Variants in BCOR observed in about 807,000 individuals in gnomAD.
BCOR encodes BCL6 corepressor.
In BCOR, 10 loss-of-function variants were observed where a neutral mutation model predicts 86.7. That is an observed-to-expected ratio of 0.12 (90% confidence interval 0.07 to 0.20). BCOR has a LOEUF of 0.20. Among genes scored for constraint, BCOR ranks in the 10% least tolerant of loss-of-function variants. The pLI, the probability that BCOR is intolerant of heterozygous loss-of-function variation, is 1.00. For missense variants in BCOR, 1,259 were observed against 1,452.1 expected, an observed-to-expected ratio of 0.87 and a Z score of 2.16; for synonymous variants, 611 against 609.0, an observed-to-expected ratio of 1.00 and a Z score of -0.05.
chrX:40,151,399 C>T (rs978762709), intron 1 of BCOR, among the ~76,000 whole-genome samples: 6 of 112,975 alleles, frequency 5.3e-5, no homozygotes, highest in African/African-American at 1.9e-4. Context: ...CCCCTCCCTC[C>T]GGGACTGTCA....
chrX:40,081,286 TGAA>T (rs1936096364), intron 1 of BCOR, among the ~76,000 whole-genome samples: 1 of 111,564 alleles, frequency 9.0e-6, no homozygotes, highest in Non-Finnish European at 1.9e-5. Flanking sequence ...AAGCCTCTAC[TGAA>T]GAACAGGGGT....
intron 1 of BCOR, among the ~76,000 whole-genome samples, chrX:40,173,211 A>C (rs752942021): frequency 2.7e-5 from 3 of 111,540 alleles, no homozygotes; most frequent in Non-Finnish European, 5.7e-5. Context: ...TCCAGGCCCT[A>C]TCTCTCCCTC....
At chrX:40,161,963 T>G (rs1318908816) in intron 1 of BCOR, among the ~76,000 whole-genome samples, 1 of 111,868 alleles carries the variant, frequency 8.9e-6, no homozygotes. Flanking sequence ...GACACATAAG[T>G]AGGGTGACAC....
intron 7 of BCOR, 97 bp downstream of exon 7, chrX:40,064,239 G>A: frequency 1.8e-6 from 2 of 1,141,952 alleles, no homozygotes; most frequent in Non-Finnish European, 2.4e-6. Flanking sequence ...TCTGTCTACG[G>A]GGGCAGCGCG....
intron 1 of BCOR, among the ~76,000 whole-genome samples, chrX:40,088,479 G>C (rs966175134): frequency 3.1e-4 from 35 of 111,262 alleles, no homozygotes; most frequent in Non-Finnish European, 7.5e-5. Context: ...GAGGAGGAGG[G>C]GGAGAGGAGG....
At chrX:40,078,711 C>T (rs1465731461) in intron 1 of BCOR, among the ~76,000 whole-genome samples, 1 of 111,988 alleles carries the variant, frequency 8.9e-6, no homozygotes, top group Non-Finnish European at 1.9e-5. Context: ...GTCTTAGCAG[C>T]CCTGGCTGAT....
intron 1 of BCOR, among the ~76,000 whole-genome samples, chrX:40,106,437 C>T (rs1203282607): frequency 1.8e-5 from 2 of 112,029 alleles, no homozygotes; most frequent in African/African-American, 3.2e-5. Flanking sequence ...GCTAATCGCA[C>T]GCTTTCTGCT....
chrX:40,092,169 CG>C (rs1284588107), intron 1 of BCOR, among the ~76,000 whole-genome samples: 2 of 112,128 alleles, frequency 1.8e-5, no homozygotes, highest in Non-Finnish European at 3.8e-5. Context: ...AGGAAACCAC[CG>C]GGGTGGCATT....
At chrX:40,109,091 G>A (rs6610386) in intron 1 of BCOR, among the ~76,000 whole-genome samples, 19,446 of 112,179 alleles carry the variant, frequency 0.17, 3,300 homozygotes, top group African/African-American at 0.53. Context: ...GGCTGGGAGG[G>A]CGGCGGGGAG....
At chrX:40,067,657 C>G (rs1440152610) in intron 6 of BCOR, among the ~76,000 whole-genome samples, 1 of 111,711 alleles carries the variant, frequency 9.0e-6, no homozygotes, top group South Asian at 3.8e-4. Context: ...GGCCTATTGT[C>G]CTTCCTTCAA....
At chrX:40,143,003 G>A (rs992211695) in intron 1 of BCOR, among the ~76,000 whole-genome samples, 1 of 112,189 alleles carries the variant, frequency 8.9e-6, no homozygotes, top group Non-Finnish European at 1.9e-5. Flanking sequence ...GACCCCTCTC[G>A]GGTTGAGCAA....
At chrX:40,071,544 A>T (rs1935480910) in intron 5 of BCOR, 93 bp downstream of exon 5, 1 of 645,155 alleles carries the variant, frequency 1.6e-6, no homozygotes, top group Non-Finnish European at 2.5e-6. Flanking sequence ...AAAGACGACC[A>T]TGGCCCACAA....
intron 1 of BCOR, among the ~76,000 whole-genome samples, chrX:40,079,379 G>A (rs1935972231): frequency 8.9e-6 from 1 of 112,285 alleles, no homozygotes; most frequent in East Asian, 2.8e-4. Flanking sequence ...CTGTGAGAGT[G>A]ACTGAGGGTG....
In BCOR at chrX:40,090,977, T is replaced by C. The variant is rs556460102; in HGVS notation, c.-41+6238A>G. Among the ~76,000 whole-genome samples, 16 of 110,824 alleles carry C rather than the reference T, an allele frequency of 1.4e-4. No homozygotes were observed. In the South Asian group the frequency reaches 4.6e-3, roughly 32 times the overall value. ...TCCTAGTGACTTCAATGCAAAATTG[T>C]CTTTTTATAACTTTTTTCCTTAAAC... On this transcript the variant is annotated intron_variant, in intron 1 of 14. Transcript: ENST00000378444.
chrX:40,120,496 A>G (rs1003901903), intron 1 of BCOR, among the ~76,000 whole-genome samples: 1 of 111,149 alleles, frequency 9.0e-6, no homozygotes, highest in African/African-American at 3.3e-5. Flanking sequence ...GAGTCCATCC[A>G]TTTCCCCCAC....
Position 40,063,059 on chromosome X carries a change from A to C in BCOR, c.3860T>G (p.Phe1287Cys). 1.7e-6 allele frequency: 2 copies of C among 1,162,460 alleles called. No homozygotes were observed. Among genetic ancestry groups the C allele is most frequent in the Non-Finnish European group, 2.3e-6 (2 of 870,930 alleles). ...PSDNEQGLPV[F>C]SGSPPMKSLS... is the part of the protein sequence containing the mutation. The stretch of plus-strand genomic sequence containing the variant: ...ACTCTTCATGGGCGGAGAGCCGGAG[A>C]ACACAGGCAAGCCTAAATACGGAGG... The change falls in exon 9 of 15, where the codon TTC becomes TGC. Residue 1287 changes from phenylalanine to cysteine, a missense_variant. Physicochemically the swap from Phe to Cys is radical, Grantham distance 205 (BLOSUM62 -2). Coordinates refer to ENST00000378444, the MANE Select transcript of BCOR (RefSeq NM_001123385.2).
In BCOR at chrX:40,113,749, A is replaced by G. The variant is rs767286339; in HGVS notation, c.-40-35780T>C. ...CAGTGCCTAGCATGGTGCTCACCAC[A>G]TATTGATGAAAAAAAAATCTGATAA... On this transcript the variant is annotated intron_variant, in intron 1 of 14. Coordinates refer to the BCOR transcript ENST00000342274. 2.3e-4 allele frequency among the ~76,000 whole-genome samples: 25 copies of G among 110,062 alleles called. No homozygotes were observed. The East Asian group carries it at 6.9e-3, about 31-fold the overall frequency.
At chrX:40,161,568 C>T (rs1394664600) in intron 1 of BCOR, among the ~76,000 whole-genome samples, 1 of 89,551 alleles carries the variant, frequency 1.1e-5, no homozygotes, top group Non-Finnish European at 2.1e-5. Context: ...CTGGAGAGTG[C>T]AGTGGTGCAA....
chrX:40,051,356 CAT>C lies in BCOR; in HGVS notation c.*751_*752del, dbSNP rs1463081081. The C allele has an allele frequency of 5.9e-6, 1 of 169,552 alleles. No individual in the cohort carries two copies. The highest frequency in any genetic ancestry group is 3.0e-5 in the African/African-American group (1 of 33,727). 14.0% of individuals were successfully genotyped at this position (169,552 alleles called of 1,213,427 possible). The stretch of plus-strand genomic sequence containing the variant: ...ACAAAGTTAAAACACAGATTTCAAA[CAT>C]AAACACACGATTCAGAAAATTTTAG... On this transcript the variant is annotated 3_prime_UTR_variant, in exon 15 of 15. Transcript: ENST00000378444.
Sources: gnomAD v4.1 joint callset for allele counts (sites outside exome capture counted in the v4.1 genomes callset) on GRCh38, gnomAD v4.1.1 for gene constraint, MANE v1.5 for transcripts, NCBI Gene and HGNC (gene_info 2026-07-23, HGNC 2026-07-21) for gene names.